Variants in C2orf66 observed in about 807,000 individuals in gnomAD.
The protein encoded by C2orf66 is uncharacterized protein C2orf66.
A neutral mutation model predicts 7.0 loss-of-function variants in C2orf66; 6 were observed. That is an observed-to-expected ratio of 0.86 (90% CI 0.47 to 1.69). The LOEUF (loss-of-function observed/expected upper bound fraction) is 1.69. C2orf66 is among the 40% of genes most tolerant of loss of function. The pLI, the probability that C2orf66 is intolerant of heterozygous loss-of-function variation, is 0.01. For missense variants in C2orf66, 107 were observed against 112.0 expected, an observed-to-expected ratio of 0.96 and a Z score of 0.20; for synonymous variants, 38 against 43.8, an observed-to-expected ratio of 0.87 and a Z score of 0.52.
chr2:196,827,404 C>G, the C2orf66 span, among the ~76,000 whole-genome samples: 2 of 152,044 alleles, frequency 1.3e-5, no homozygotes, highest in Non-Finnish European at 2.9e-5. Context: ...AATCTACTTC[C>G]TTTCTTAACA....
chr2:196,817,851 C>G, the C2orf66 span, among the ~76,000 whole-genome samples: 2 of 152,182 alleles, frequency 1.3e-5, no homozygotes, highest in African/African-American at 4.8e-5. Context: ...GAAAATATGG[C>G]TCGTTTTGCC....
chr2:196,808,619 T>G (rs1699840347), intron 1 of C2orf66, among the ~76,000 whole-genome samples: 1 of 152,208 alleles, frequency 6.6e-6, no homozygotes, highest in African/African-American at 2.4e-5. Context: ...TTGTTATATT[T>G]CCCATCATTC....
upstream of C2orf66, chr2:196,809,464 C>A: frequency 7.5e-7 from 1 of 1,325,780 alleles, no homozygotes; most frequent in Non-Finnish European, 1.0e-6. Flanking sequence ...AAATAGCATA[C>A]TGGTTTATCT....
chr2:196,816,802 G>A, the C2orf66 span, among the ~76,000 whole-genome samples: 1 of 152,196 alleles, frequency 6.6e-6, no homozygotes, highest in Non-Finnish European at 1.5e-5. Context: ...TAGAGTGTAA[G>A]CCAATTCTAA....
At chr2:196,829,603 A>G in the C2orf66 span, among the ~76,000 whole-genome samples, 1 of 151,764 alleles carries the variant, frequency 6.6e-6, no homozygotes, top group Non-Finnish European at 1.5e-5. Context: ...ACAAAAAAAA[A>G]CAAAAAAACA....
intron 2 of C2orf66, among the ~76,000 whole-genome samples, chr2:196,806,449 A>T (rs1699821304): frequency 6.6e-6 from 1 of 151,824 alleles, no homozygotes; most frequent in African/African-American, 2.4e-5. Flanking sequence ...CTCCCGCCTC[A>T]GCCTCCCAAA....
At chr2:196,825,168 A>T in the C2orf66 span, among the ~76,000 whole-genome samples, 1 of 136,268 alleles carries the variant, frequency 7.3e-6, no homozygotes, top group Non-Finnish European at 1.6e-5. Context: ...CAGGATGGGG[A>T]GGTTGTAGTG....
chr2:196,823,344 T>G, the C2orf66 span, among the ~76,000 whole-genome samples: 1 of 152,074 alleles, frequency 6.6e-6, no homozygotes, highest in African/African-American at 2.4e-5. Flanking sequence ...TACTAGGGGC[T>G]GGGCATAGTG....
the C2orf66 span, among the ~76,000 whole-genome samples, chr2:196,816,872 A>G: frequency 2.0e-5 from 3 of 152,214 alleles, no homozygotes; most frequent in African/African-American, 7.2e-5. Context: ...TCTATTTTGC[A>G]TAAGTGTTGG....
At chr2:196,815,676 T>C in the C2orf66 span, among the ~76,000 whole-genome samples, 5 of 152,208 alleles carry the variant, frequency 3.3e-5, no homozygotes, top group East Asian at 1.9e-4. Flanking sequence ...TATGTGTTGA[T>C]TGAATTACAA....
the C2orf66 span, among the ~76,000 whole-genome samples, chr2:196,829,939 A>G: frequency 6.6e-6 from 1 of 152,082 alleles, no homozygotes; most frequent in African/African-American, 2.4e-5. Context: ...ACAACAACAA[A>G]AAGCCAAAAC....
At chr2:196,828,481 A>G in the C2orf66 span, among the ~76,000 whole-genome samples, 1 of 152,206 alleles carries the variant, frequency 6.6e-6, no homozygotes, top group African/African-American at 2.4e-5. Context: ...ATGGTCCCCA[A>G]GGTTTTCACC....
At chr2:196,806,130 C>T (rs1392901176) in intron 2 of C2orf66, among the ~76,000 whole-genome samples, 1 of 152,142 alleles carries the variant, frequency 6.6e-6, no homozygotes, top group African/African-American at 2.4e-5. Context: ...ATTCCATTCC[C>T]TTTATTATTC....
chr2:196,831,488 T>C, the C2orf66 span, among the ~76,000 whole-genome samples: 2 of 152,008 alleles, frequency 1.3e-5, no homozygotes, highest in East Asian at 1.9e-4. Context: ...CTGGACAGAG[T>C]GGGCCACCTA....
At chr2:196,828,980 C>T in the C2orf66 span, among the ~76,000 whole-genome samples, 5 of 152,228 alleles carry the variant, frequency 3.3e-5, no homozygotes, top group Middle Eastern at 3.4e-3. Flanking sequence ...TTCTGACCTA[C>T]GGAGCAAATA....
At chr2:196,825,365 C>T in the C2orf66 span, among the ~76,000 whole-genome samples, 3 of 151,710 alleles carry the variant, frequency 2.0e-5, no homozygotes, top group Non-Finnish European at 4.4e-5. Flanking sequence ...AATGAGATAA[C>T]ACCTCACATG....
upstream of C2orf66, among the ~76,000 whole-genome samples, chr2:196,810,670 G>T (rs546098493): frequency 6.6e-6 from 1 of 152,124 alleles, no homozygotes; most frequent in East Asian, 1.9e-4. Flanking sequence ...TGGTGATCTC[G>T]ACTGGAAATT....
At chr2:196,810,554 C>T (rs1448168188), upstream of C2orf66, among the ~76,000 whole-genome samples, 1 of 152,164 alleles carries the variant, frequency 6.6e-6, no homozygotes, top group Non-Finnish European at 1.5e-5. Flanking sequence ...TGAATAAATG[C>T]CATCTGTAGA....
At chr2:196,810,539 C>G (rs150522731), upstream of C2orf66, among the ~76,000 whole-genome samples, 22 of 152,322 alleles carry the variant, frequency 1.4e-4, no homozygotes, top group African/African-American at 4.8e-4. Context: ...ACAACATTCC[C>G]TTGCTGAATA....
Sources: allele counts gnomAD v4.1 joint callset (sites outside exome capture counted in the v4.1 genomes callset), GRCh38; gene constraint gnomAD v4.1.1; transcripts MANE v1.5; gene names NCBI Gene and HGNC (gene_info 2026-07-23, HGNC 2026-07-21).